ERBB4: variants seen among roughly 807,000 people sequenced by gnomAD.
The protein encoded by ERBB4 is erb-b2 receptor tyrosine kinase 4, also known as receptor tyrosine-protein kinase erbB-4.
ERBB4 carries 42 observed loss-of-function variants against 158.0 expected under a neutral mutation model. The observed-to-expected ratio is 0.27, with a 90% CI of 0.21 to 0.34. The LOEUF (loss-of-function observed/expected upper bound fraction) is 0.34, where lower values mean the gene tolerates loss of function less well. Among genes scored for constraint, ERBB4 ranks in the 10% least tolerant of loss-of-function variants. ERBB4 has a pLI of 1.00. For missense variants in ERBB4, 1,333 were observed against 1,624.1 expected, an observed-to-expected ratio of 0.82 and a Z score of 3.08; for synonymous variants, 583 against 558.7, an observed-to-expected ratio of 1.04 and a Z score of -0.61.
chr2:212,146,981 T>C (rs1277985951), intron 1 of ERBB4, among the ~76,000 whole-genome samples: 1 of 124,510 alleles, frequency 8.0e-6, no homozygotes, highest in Non-Finnish European at 1.6e-5. Context: ...GTTGTCATTG[T>C]TAGACTTTTT....
At chr2:211,737,005 G>T (rs956026321) in intron 5 of ERBB4, among the ~76,000 whole-genome samples, 2 of 152,114 alleles carry the variant, frequency 1.3e-5, no homozygotes, top group East Asian at 3.8e-4. Context: ...GATAAAGAGG[G>T]TATTACTTAT....
intron 3 of ERBB4, among the ~76,000 whole-genome samples, chr2:211,910,092 G>A (rs6719827): frequency 0.039 from 5,930 of 151,108 alleles, 222 homozygotes; most frequent in African/African-American, 0.072. Flanking sequence ...GCTAATTTTC[G>A]TATTTTTAGT....
At chr2:211,630,717 T>C (rs2070085930) in intron 16 of ERBB4, 123 bp from the exon 17 acceptor site, 5 of 913,818 alleles carry the variant, frequency 5.5e-6, no homozygotes, top group Non-Finnish European at 8.4e-6. Context: ...TTAGATGAAA[T>C]GCAAATATAA....
At chr2:211,919,183 C>T (rs1420023393) in intron 3 of ERBB4, among the ~76,000 whole-genome samples, 1 of 151,958 alleles carries the variant, frequency 6.6e-6, no homozygotes, top group Non-Finnish European at 1.5e-5. Flanking sequence ...GGGCAGTTTC[C>T]AAAGTAATTA....
intron 1 of ERBB4, among the ~76,000 whole-genome samples, chr2:212,399,710 C>CAAAA (rs774502441): frequency 0.18 from 19,251 of 106,412 alleles, 3,557 homozygotes; most frequent in African/African-American, 0.39. Context: ...ACTAAAAATA[C>CAAAA]AAAAAAAAAA....
chr2:212,412,372 T>A (rs2091524323), intron 1 of ERBB4, among the ~76,000 whole-genome samples: 1 of 152,184 alleles, frequency 6.6e-6, no homozygotes, highest in Non-Finnish European at 1.5e-5. Flanking sequence ...CTTAATGCCC[T>A]CCCTTTGGTA....
Position 211,630,590 on chromosome 2 carries a change from G to C in ERBB4, c.1951C>G (p.Pro651Ala), listed in dbSNP as rs1700411363. ...CCAATTACTCCAGCTGCAATCAGGG[G>C]AGTTCTGACAACCAGAATGAGAAAA... ...HSTLPQHART[P>A]LIAAGVIGGL... The change falls in exon 17 of 28, where the codon CCC (proline) becomes GCC (alanine). Residue 651 changes from proline to alanine, a missense_variant. By Grantham distance (27) the Pro-to-Ala change is conservative (BLOSUM62 -1). Transcript: ENST00000342788. 6.2e-7 allele frequency: 1 copy of C among 1,612,158 alleles called. No individual in the cohort carries two copies. Among genetic ancestry groups the C allele is most frequent in the Non-Finnish European group, 8.5e-7 (1 of 1,179,532 alleles).
At chr2:211,730,231 C>A (rs1158057750) in intron 5 of ERBB4, among the ~76,000 whole-genome samples, 1 of 151,876 alleles carries the variant, frequency 6.6e-6, no homozygotes, top group Non-Finnish European at 1.5e-5. Flanking sequence ...ATTTATTTTA[C>A]TTGAAGAAGC....
intron 1 of ERBB4, among the ~76,000 whole-genome samples, chr2:212,322,980 G>A (rs772792992): frequency 1.7e-4 from 25 of 150,002 alleles, no homozygotes; most frequent in Non-Finnish European, 3.3e-4. Flanking sequence ...AAAAAAAATA[G>A]GGAGCTGATT....
At chr2:211,425,966 G>A (rs531272169) in intron 22 of ERBB4, among the ~76,000 whole-genome samples, 7 of 152,236 alleles carry the variant, frequency 4.6e-5, no homozygotes, top group Admixed American at 1.3e-4. Context: ...TTACAAGCAC[G>A]AGACACCGTG....
chr2:212,161,100 T>C (rs1255458357), intron 1 of ERBB4, among the ~76,000 whole-genome samples: 1 of 151,974 alleles, frequency 6.6e-6, no homozygotes, highest in Non-Finnish European at 1.5e-5. Context: ...AGTTTTAGCA[T>C]TAAAAGATGG....
intron 25 of ERBB4, among the ~76,000 whole-genome samples, chr2:211,417,429 G>A (rs185879720): frequency 1.8e-4 from 27 of 152,278 alleles, no homozygotes; most frequent in African/African-American, 5.3e-4. Context: ...AGCCAAGATC[G>A]TGCTACTGCA....
At chr2:211,488,472 T>C (rs984086170) in intron 20 of ERBB4, among the ~76,000 whole-genome samples, 4 of 152,194 alleles carry the variant, frequency 2.6e-5, no homozygotes, top group Non-Finnish European at 5.9e-5. Context: ...AAATGCTGAA[T>C]AAAGATTTCT....
At chr2:212,474,809 A>T (rs567341145) in intron 1 of ERBB4, among the ~76,000 whole-genome samples, 3 of 113,456 alleles carry the variant, frequency 2.6e-5, no homozygotes, top group Admixed American at 1.7e-4. Context: ...CCATTTCCTG[A>T]CACCCGGCCA....
At position 211,377,990 on chromosome 2, in the gene ERBB4, A is replaced by G; in HGVS notation, c.*5625T>C. ...ATGAAAAAATCAGGCATTCGAGGGC[A>G]AAGATGAAGTCAGTGTTTCACAAAG... On this transcript the variant is annotated 3_prime_UTR_variant, in exon 28 of 28. Transcript: ENST00000342788. The G allele has an allele frequency of 4.3e-6, 1 of 233,106 alleles. No individual in the cohort carries two copies. The highest frequency in any genetic ancestry group is 8.5e-6 in the Non-Finnish European group (1 of 117,654). The allele number at this position is 233,106 out of a possible 1,614,324, so 14.4% of individuals were successfully genotyped here.
intron 2 of ERBB4, among the ~76,000 whole-genome samples, chr2:211,978,370 C>CTGTA (rs2081682061): frequency 8.8e-6 from 1 of 113,616 alleles, no homozygotes; most frequent in African/African-American, 3.6e-5. Context: ...CTGAGTCTGT[C>CTGTA]TGTCTGTCTG....
intron 12 of ERBB4, among the ~76,000 whole-genome samples, chr2:211,688,239 C>T (rs929211297): frequency 6.6e-6 from 1 of 152,182 alleles, no homozygotes; most frequent in African/African-American, 2.4e-5. Flanking sequence ...TTATTTCCTC[C>T]TGTCTGAAGG....
At chr2:212,054,940 TAGGACAGTGGGGGC>T (rs1416594158) in intron 2 of ERBB4, among the ~76,000 whole-genome samples, 2 of 152,172 alleles carry the variant, frequency 1.3e-5, no homozygotes, top group African/African-American at 4.8e-5. Flanking sequence ...CTGGGGCTTG[TAGGACAGTGGGGGC>T]AGGACAGTGG....
intron 25 of ERBB4, among the ~76,000 whole-genome samples, chr2:211,404,638 G>C (rs1299639828): frequency 1.3e-5 from 2 of 151,552 alleles, no homozygotes; most frequent in Non-Finnish European, 2.9e-5. Context: ...TTTTAATCTT[G>C]GTTAAGTGTT....
Sources: gnomAD v4.1 joint callset for allele counts (sites outside exome capture counted in the v4.1 genomes callset) on GRCh38, gnomAD v4.1.1 for gene constraint, MANE v1.5 for transcripts, NCBI Gene and HGNC (gene_info 2026-07-23, HGNC 2026-07-21) for gene names.